Variants in JAK1 observed in about 807,000 individuals in gnomAD.
The protein encoded by JAK1 is Janus kinase 1, also known as tyrosine-protein kinase JAK1.
In JAK1, 16 loss-of-function variants were observed where a neutral mutation model predicts 136.6. That is an observed-to-expected ratio of 0.12 (90% confidence interval 0.08 to 0.18). JAK1 has a LOEUF of 0.18. JAK1 is among the 10% of genes least tolerant of loss of function. The probability of loss-of-function intolerance (pLI) is 1.00; values close to 1 mark genes in which losing one functional copy is unlikely to be tolerated. For missense variants in JAK1, 859 were observed against 1,450.1 expected, an observed-to-expected ratio of 0.59 and a Z score of 6.62; for synonymous variants, 492 against 519.5, an observed-to-expected ratio of 0.95 and a Z score of 0.72.
chr1:64,838,623 G>A (rs2100948748), intron 20 of JAK1, 34 bp from the exon 21 acceptor site: 1 of 1,606,650 alleles, frequency 6.2e-7, no homozygotes, highest in Non-Finnish European at 8.5e-7. Context: ...GTCTGAGGCT[G>A]CCAAATGAGG....
chr1:64,970,443 A>C (rs1201673414), upstream of JAK1, among the ~76,000 whole-genome samples: 1 of 151,610 alleles, frequency 6.6e-6, no homozygotes, highest in Admixed American at 6.6e-5. Context: ...TTCCATCTCA[A>C]AAAAACAAAA....
intron 2 of JAK1, among the ~76,000 whole-genome samples, chr1:65,011,848 G>A (rs1044048919): frequency 5.3e-5 from 8 of 152,186 alleles, no homozygotes; most frequent in African/African-American, 1.9e-4. Flanking sequence ...CCCAGGGAAG[G>A]AAGGTGTTTC....
intron 1 of JAK1, chr1:64,918,530 T>TG (rs1446094962): frequency 6.2e-6 from 1 of 160,398 alleles, no homozygotes; most frequent in African/African-American, 2.4e-5. Flanking sequence ...AGAGCAGCAC[T>TG]GTATGTCTTG....
chr1:64,936,165 A>T (rs555057919), intron 1 of JAK1, among the ~76,000 whole-genome samples: 3 of 152,332 alleles, frequency 2.0e-5, no homozygotes, highest in African/African-American at 7.2e-5. Context: ...TCAAAGATTA[A>T]GCAACAGAGG....
chr1:65,021,747 A>C (rs559806794), intron 2 of JAK1, among the ~76,000 whole-genome samples: 1 of 152,262 alleles, frequency 6.6e-6, no homozygotes, highest in East Asian at 1.9e-4. Context: ...AGGAACCCCT[A>C]ATGCCTGGGG....
chr1:64,926,119 A>G (rs1463366032), intron 1 of JAK1, among the ~76,000 whole-genome samples: 1 of 152,184 alleles, frequency 6.6e-6, no homozygotes, highest in Non-Finnish European at 1.5e-5. Flanking sequence ...AGGACCACAC[A>G]TTCCCTGATG....
intron 1 of JAK1, among the ~76,000 whole-genome samples, chr1:65,046,828 G>A (rs1389045145): frequency 7.6e-6 from 1 of 132,248 alleles, no homozygotes; most frequent in East Asian, 2.0e-4. Context: ...GGGATTACAG[G>A]TGTGAGCCAC....
At chr1:65,033,290 T>A in intron 2 of JAK1, among the ~76,000 whole-genome samples, 1 of 152,178 alleles carries the variant, frequency 6.6e-6, no homozygotes, top group East Asian at 1.9e-4. Context: ...GGAGCTAGAA[T>A]GACAGGTGTG....
intron 2 of JAK1, among the ~76,000 whole-genome samples, chr1:65,006,059 A>G (rs1646801431): frequency 3.3e-5 from 5 of 152,254 alleles, no homozygotes; most frequent in Admixed American, 3.3e-4. Flanking sequence ...GAAGTAAACA[A>G]TAAATATGGG....
At chr1:65,047,490 G>A (rs1308500576) in intron 1 of JAK1, among the ~76,000 whole-genome samples, 2 of 152,132 alleles carry the variant, frequency 1.3e-5, no homozygotes, top group South Asian at 2.1e-4. Flanking sequence ...AGGCCAAGAC[G>A]GGCAAATCAC....
chr1:64,937,492 T>C (rs1339645332), intron 1 of JAK1, among the ~76,000 whole-genome samples: 4 of 152,218 alleles, frequency 2.6e-5, no homozygotes, highest in Non-Finnish European at 5.9e-5. Context: ...TTCCATAAAT[T>C]GAAAGCCTTT....
intron 8 of JAK1, among the ~76,000 whole-genome samples, chr1:64,862,132 G>A (rs1291211120): frequency 1.3e-5 from 2 of 152,298 alleles, no homozygotes; most frequent in East Asian, 1.9e-4. Context: ...AGGGGACAAC[G>A]AGGGCATGAG....
intron 2 of JAK1, among the ~76,000 whole-genome samples, chr1:64,885,280 G>A (rs1644834533): frequency 6.6e-6 from 1 of 152,188 alleles, no homozygotes; most frequent in Non-Finnish European, 1.5e-5. Context: ...GAAAAACTGT[G>A]ATGGAAAACA....
chr1:64,855,267 C>T (rs1655854310), intron 11 of JAK1, among the ~76,000 whole-genome samples: 1 of 152,250 alleles, frequency 6.6e-6, no homozygotes, highest in Non-Finnish European at 1.5e-5. Flanking sequence ...TAATGCTGAG[C>T]ATGCCTCTTT....
intron 19 of JAK1, among the ~76,000 whole-genome samples, 185 bp downstream of exon 19, chr1:64,841,060 G>T (rs1488437475): frequency 6.6e-6 from 1 of 152,188 alleles, no homozygotes; most frequent in Admixed American, 6.5e-5. Context: ...TCCGTGCCGT[G>T]TGTCACATGG....
chr1:64,847,039 T>C (rs1200726326), intron 13 of JAK1: 3 of 487,594 alleles, frequency 6.2e-6, no homozygotes, highest in Non-Finnish European at 1.1e-5. Context: ...TCTCTCTTCC[T>C]TTCAGCTCTG....
At chr1:65,063,835 A>G (rs1054323718) in intron 1 of JAK1, among the ~76,000 whole-genome samples, 7 of 150,486 alleles carry the variant, frequency 4.7e-5, no homozygotes, top group African/African-American at 1.7e-4. Flanking sequence ...AAAGAAAAAA[A>G]GAAAAGAAAT....
intron 1 of JAK1, among the ~76,000 whole-genome samples, chr1:64,957,852 G>A (rs1273516718): frequency 1.3e-5 from 2 of 152,240 alleles, no homozygotes; most frequent in African/African-American, 2.4e-5. Flanking sequence ...GCTGAGGCAG[G>A]AGAATGGCGT....
At chr1:64,907,200 G>A (rs1645204173) in intron 1 of JAK1, among the ~76,000 whole-genome samples, 1 of 152,148 alleles carries the variant, frequency 6.6e-6, no homozygotes, top group African/African-American at 2.4e-5. Context: ...TGGAAGTGGA[G>A]GTGTTTCTAA....
Sources: allele counts gnomAD v4.1 joint callset (sites outside exome capture counted in the v4.1 genomes callset), GRCh38; gene constraint gnomAD v4.1.1; transcripts MANE v1.5; gene names NCBI Gene and HGNC (gene_info 2026-07-23, HGNC 2026-07-21).